The following FGF10 variants were observed in gnomAD, a reference collection of about 807,000 sequenced individuals.
The protein encoded by FGF10 is FGF-10.
Under a neutral mutation model 19.8 loss-of-function variants are expected in FGF10, and 2 were observed. That is an observed-to-expected ratio of 0.10 (90% CI 0.04 to 0.32). The LOEUF (loss-of-function observed/expected upper bound fraction) is 0.32, where lower values mean the gene tolerates loss of function less well. Ranked by LOEUF, FGF10 falls within the 10% of genes least tolerant of loss-of-function variation. The pLI is 1.00. For synonymous variants in FGF10, 112 were observed against 94.0 expected (o/e 1.19, Z -1.10); for missense variants, 191 against 246.3 (o/e 0.78, Z 1.50).
intron 1 of FGF10, among the ~76,000 whole-genome samples, chr5:44,352,176 T>C (rs1214525159): frequency 6.6e-6 from 1 of 151,592 alleles, no homozygotes; most frequent in African/African-American, 2.4e-5. Flanking sequence ...CTGATAAAGA[T>C]AACGCCATGC....
intron 1 of FGF10, among the ~76,000 whole-genome samples, chr5:44,338,784 T>C (rs1038896790): frequency 6.6e-6 from 1 of 152,248 alleles, no homozygotes; most frequent in African/African-American, 2.4e-5. Flanking sequence ...TTGTGATTAA[T>C]TTGTTCTGTT....
At chr5:44,334,372 C>G (rs1740800400) in intron 1 of FGF10, among the ~76,000 whole-genome samples, 1 of 152,010 alleles carries the variant, frequency 6.6e-6, no homozygotes, top group South Asian at 2.1e-4. Flanking sequence ...GCATTGTCTA[C>G]AAAGAAATCT....
chr5:44,316,496 G>A (rs1740353619), intron 1 of FGF10, among the ~76,000 whole-genome samples: 1 of 152,102 alleles, frequency 6.6e-6, no homozygotes, highest in South Asian at 2.1e-4. Flanking sequence ...ATTCTAGATT[G>A]GAGTAGAGAA....
At chr5:44,322,453 A>G (rs1740517369) in intron 1 of FGF10, among the ~76,000 whole-genome samples, 1 of 151,934 alleles carries the variant, frequency 6.6e-6, no homozygotes, top group Non-Finnish European at 1.5e-5. Context: ...CTCAGCTTTC[A>G]AAAGCATTTG....
rs1042445755 is a variant in FGF10 at position 44,301,863 on chromosome 5, C to T, written c.*3132G>A. On this transcript the variant is annotated 3_prime_UTR_variant, in exon 3 of 3. Transcript: ENST00000264664. Reference sequence around the variant, plus strand: ...CAAACAAGGACAATATTTTAATTTTCTTTTCCCAACATTTTTATTGTTTTT... The same window carrying T: ...CAAACAAGGACAATATTTTAATTTTTTTTTCCCAACATTTTTATTGTTTTT... Among the ~76,000 whole-genome samples, 1 of 145,248 alleles carries T rather than the reference C, an allele frequency of 6.9e-6. No individual in the cohort carries two copies. The highest frequency in any genetic ancestry group is 2.9e-5 in the African/African-American group (1 of 35,034).
chr5:44,313,850 A>G (rs2111700986), intron 1 of FGF10, among the ~76,000 whole-genome samples: 1 of 152,238 alleles, frequency 6.6e-6, no homozygotes, highest in Non-Finnish European at 1.5e-5. Flanking sequence ...ACCTAGGAGG[A>G]GAAGGGTACG....
At chr5:44,379,062 C>A (rs1168337717) in intron 1 of FGF10, among the ~76,000 whole-genome samples, 1 of 152,110 alleles carries the variant, frequency 6.6e-6, no homozygotes, top group East Asian at 1.9e-4. Context: ...CTTCAAAAGG[C>A]TTCTCTAGCA....
intron 1 of FGF10, among the ~76,000 whole-genome samples, chr5:44,319,571 T>C (rs576465145): frequency 2.8e-4 from 42 of 152,298 alleles, no homozygotes; most frequent in Admixed American, 7.2e-4. Context: ...GGGTTCAAGC[T>C]GTAGGCTCAC....
chr5:44,364,442 C>T (rs1177606323), intron 1 of FGF10, among the ~76,000 whole-genome samples: 2 of 151,788 alleles, frequency 1.3e-5, no homozygotes, highest in Non-Finnish European at 2.9e-5. Context: ...TTTTGACTGT[C>T]ACAACTGGGA....
chr5:44,322,859 T>C (rs918181089), intron 1 of FGF10, among the ~76,000 whole-genome samples: 3 of 151,862 alleles, frequency 2.0e-5, no homozygotes, highest in African/African-American at 4.8e-5. Flanking sequence ...TATATTACAA[T>C]GTAATAATAA....
chr5:44,343,402 C>A (rs1741014899), intron 1 of FGF10, among the ~76,000 whole-genome samples: 2 of 151,912 alleles, frequency 1.3e-5, no homozygotes, highest in Non-Finnish European at 2.9e-5. Context: ...CAGTTTTATT[C>A]ATGTTTAGCA....
At chr5:44,388,285 G>A in intron 1 of FGF10, 73 bp downstream of exon 1, 1 of 1,408,612 alleles carries the variant, frequency 7.1e-7, no homozygotes. Flanking sequence ...GCCACATCTG[G>A]AACAGATTTT....
At chr5:44,355,373 A>G (rs1187911998) in intron 1 of FGF10, among the ~76,000 whole-genome samples, 1 of 151,436 alleles carries the variant, frequency 6.6e-6, no homozygotes, top group Non-Finnish European at 1.5e-5. Flanking sequence ...ATAAAAGAAC[A>G]GATCAAACAC....
chr5:44,355,290 C>T (rs2111836284), intron 1 of FGF10, among the ~76,000 whole-genome samples: 1 of 151,302 alleles, frequency 6.6e-6, no homozygotes, highest in East Asian at 2.0e-4. Context: ...TAAAAATGAT[C>T]TTCAAAAGGC....
chr5:44,369,947 T>A (rs1741707340), intron 1 of FGF10, among the ~76,000 whole-genome samples: 1 of 152,138 alleles, frequency 6.6e-6, no homozygotes, highest in African/African-American at 2.4e-5. Context: ...ACACTTAATT[T>A]AGTGTTACTC....
intron 1 of FGF10, among the ~76,000 whole-genome samples, chr5:44,351,442 C>CT (rs889468761): frequency 2.6e-5 from 4 of 151,558 alleles, no homozygotes; most frequent in East Asian, 2.0e-4. Context: ...TTGATAGAAT[C>CT]TTTTTTTAAC....
chr5:44,377,265 T>C (rs1416194681), intron 1 of FGF10, among the ~76,000 whole-genome samples: 2 of 152,228 alleles, frequency 1.3e-5, no homozygotes, highest in Non-Finnish European at 2.9e-5. Flanking sequence ...TTCTTGGCAT[T>C]GAGTAGAAAC....
chr5:44,322,178 G>T (rs1238513963), intron 1 of FGF10, among the ~76,000 whole-genome samples: 1 of 152,178 alleles, frequency 6.6e-6, no homozygotes, highest in Non-Finnish European at 1.5e-5. Context: ...ACCACTGGCA[G>T]CACATTTCAG....
At chr5:44,330,170 G>A (rs529820818) in intron 1 of FGF10, among the ~76,000 whole-genome samples, 111 of 152,288 alleles carry the variant, frequency 7.3e-4, no homozygotes, top group African/African-American at 2.6e-3. Context: ...TCAAAAGAAA[G>A]TTAAAGGAGC....
Sources: gnomAD v4.1 joint callset for allele counts (sites outside exome capture counted in the v4.1 genomes callset) on GRCh38, gnomAD v4.1.1 for gene constraint, MANE v1.5 for transcripts, NCBI Gene and HGNC (gene_info 2026-07-23, HGNC 2026-07-21) for gene names.